Variants in MAGI1 observed in about 807,000 individuals in gnomAD.
The protein encoded by MAGI1 is membrane associated guanylate kinase, WW and PDZ domain containing 1, also known as membrane-associated guanylate kinase, WW and PDZ domain-containing protein 1.
A neutral mutation model predicts 139.9 loss-of-function variants in MAGI1; 58 were observed. That is an observed-to-expected ratio of 0.41 (90% CI 0.34 to 0.52). MAGI1 has a LOEUF of 0.52. Among genes scored for constraint, MAGI1 ranks in the 20% least tolerant of loss-of-function variants. MAGI1 has a pLI of 0.12. For synonymous variants in MAGI1, 812 were observed against 737.9 expected, an observed-to-expected ratio of 1.10 and a Z score of -1.63; for missense variants, 1,874 against 1,901.6, an observed-to-expected ratio of 0.99 and a Z score of 0.27.
At chr3:65,659,558 C>T (rs1013818539) in intron 1 of MAGI1, among the ~76,000 whole-genome samples, 1 of 152,142 alleles carries the variant, frequency 6.6e-6, no homozygotes, top group African/African-American at 2.4e-5. Flanking sequence ...CACCTTTTTC[C>T]AGGAGTTTTC....
chr3:65,736,182 A>C (rs2062475), intron 1 of MAGI1, among the ~76,000 whole-genome samples: 79,125 of 152,030 alleles, frequency 0.52, 21,448 homozygotes, highest in East Asian at 0.92. Flanking sequence ...GGTCTTGCCA[A>C]AAGAGCACTT....
intron 1 of MAGI1, among the ~76,000 whole-genome samples, chr3:65,760,491 C>T (rs996740275): frequency 4.0e-5 from 6 of 151,296 alleles, no homozygotes; most frequent in East Asian, 3.9e-4. Flanking sequence ...TAGGCTCAAG[C>T]GACAGGAACA....
At chr3:65,608,853 G>A (rs889995236) in intron 2 of MAGI1, among the ~76,000 whole-genome samples, 1 of 152,136 alleles carries the variant, frequency 6.6e-6, no homozygotes. Flanking sequence ...CAAATCAACA[G>A]AAGAATGGGT....
chr3:65,474,227 T>C (rs891596359), intron 4 of MAGI1, among the ~76,000 whole-genome samples: 1 of 152,162 alleles, frequency 6.6e-6, no homozygotes, highest in African/African-American at 2.4e-5. Flanking sequence ...ATTGAGCCAC[T>C]GCACTCCAGC....
chr3:65,470,522 A>AC (rs1950496259), intron 4 of MAGI1, 38 bp from the exon 5 acceptor site: 9 of 1,002,386 alleles, frequency 9.0e-6, no homozygotes, highest in Non-Finnish European at 1.2e-5. Flanking sequence ...AGAGAGAGAG[A>AC]GAAAAAAAAA....
chr3:65,356,303 A>G lies in MAGI1; in HGVS notation c.*75T>C. On this transcript the variant is annotated 3_prime_UTR_variant, in exon 23 of 23. Transcript: ENST00000402939. ...TGTCAGATGCTTCATTAGGTAAGAA[A>G]CTAAATAATTTCAGGTTTGTGACTT... The G allele has an allele frequency of 6.9e-7, 1 of 1,442,830 alleles. No individual in the cohort carries two copies. Among genetic ancestry groups the G allele is most frequent in the Non-Finnish European group, 9.2e-7 (1 of 1,087,048 alleles). 89.4% of individuals were successfully genotyped at this position (1,442,830 alleles called of 1,614,324 possible). A position where few individuals can be genotyped will look rare whatever the true frequency, so the allele number is the denominator to read the frequency against.
In MAGI1 at chr3:65,530,344, T is replaced by C. The variant is rs138037064; in HGVS notation, c.431-36713A>G. ...CATCACAAACTCCTCCAGAACCATA[T>C]AGCACAGTGGCTAAAAATATAGGTT... On this transcript the variant is annotated intron_variant, in intron 2 of 22. Transcript: ENST00000402939. 3.6e-3 allele frequency among the ~76,000 whole-genome samples: 553 copies of C among 152,128 alleles called. 13 individuals carry two copies. The highest frequency in any genetic ancestry group is 6.5e-4 in the Non-Finnish European group (44 of 67,996).
chr3:65,749,941 G>C (rs1358366317), intron 1 of MAGI1, among the ~76,000 whole-genome samples: 1 of 152,070 alleles, frequency 6.6e-6, no homozygotes, highest in Non-Finnish European at 1.5e-5. Context: ...CCATAATGCA[G>C]GGGGAAGCAT....
At chr3:65,487,677 T>TTTA (rs1429983641) in intron 3 of MAGI1, among the ~76,000 whole-genome samples, 2 of 152,216 alleles carry the variant, frequency 1.3e-5, no homozygotes, top group Admixed American at 6.5e-5. Flanking sequence ...TTCACTCTAT[T>TTTA]TGTCTGCCAT....
chr3:65,779,664 A>C (rs1207009982), intron 1 of MAGI1, among the ~76,000 whole-genome samples: 1 of 152,226 alleles, frequency 6.6e-6, no homozygotes, highest in Non-Finnish European at 1.5e-5. Flanking sequence ...CTTAGATGAA[A>C]AGTTCTCCTG....
At chr3:65,923,725 G>C (rs2062351025) in intron 1 of MAGI1, among the ~76,000 whole-genome samples, 1 of 152,168 alleles carries the variant, frequency 6.6e-6, no homozygotes, top group South Asian at 2.1e-4. Flanking sequence ...GGAGATAAGA[G>C]ATAAGGTTGG....
chr3:65,935,515 G>A (rs533355754), intron 1 of MAGI1, among the ~76,000 whole-genome samples: 7 of 152,136 alleles, frequency 4.6e-5, no homozygotes, highest in East Asian at 1.9e-4. Flanking sequence ...CTAGCTACTC[G>A]GGAGGCTGAG....
At chr3:65,682,287 TG>T (rs1333659526) in intron 1 of MAGI1, among the ~76,000 whole-genome samples, 8 of 152,022 alleles carry the variant, frequency 5.3e-5, no homozygotes, top group Non-Finnish European at 1.0e-4. Context: ...AAGAAGGAAG[TG>T]GGAGGAATCA....
chr3:65,529,610 T>TTGA (rs1427804306), intron 2 of MAGI1, among the ~76,000 whole-genome samples: 2 of 152,202 alleles, frequency 1.3e-5, no homozygotes, highest in South Asian at 2.1e-4. Flanking sequence ...TATTCATCAG[T>TTGA]TGATGGACAT....
chr3:65,477,713 T>TTA (rs1553650525), intron 4 of MAGI1, among the ~76,000 whole-genome samples: 8 of 139,292 alleles, frequency 5.7e-5, no homozygotes, highest in Non-Finnish European at 9.3e-5. Context: ...TTATTATTAT[T>TTA]TTTTTTTTTT....
At chr3:65,710,269 C>CTTTT (rs1175790063) in intron 1 of MAGI1, among the ~76,000 whole-genome samples, 16 of 66,908 alleles carry the variant, frequency 2.4e-4, no homozygotes, top group African/African-American at 2.6e-4. Flanking sequence ...CCTTACATTT[C>CTTTT]TTTTTTTTTT....
chr3:65,735,640 C>G (rs531031225), intron 1 of MAGI1, among the ~76,000 whole-genome samples: 12 of 152,084 alleles, frequency 7.9e-5, no homozygotes, highest in African/African-American at 2.7e-4. Context: ...AAAATGCAAC[C>G]CCCAGGCCCC....
intron 1 of MAGI1, among the ~76,000 whole-genome samples, chr3:65,825,170 A>T (rs2042156296): frequency 6.6e-6 from 1 of 152,232 alleles, no homozygotes; most frequent in Non-Finnish European, 1.5e-5. Context: ...TGGGAAAACT[A>T]ATTTAAGCAT....
chr3:66,028,911 C>G (rs1157935469), intron 1 of MAGI1, among the ~76,000 whole-genome samples: 1 of 152,198 alleles, frequency 6.6e-6, no homozygotes, highest in African/African-American at 2.4e-5. Flanking sequence ...TCAAGAGATT[C>G]TTTCTTCTCT....
Sources: allele counts gnomAD v4.1 joint callset (sites outside exome capture counted in the v4.1 genomes callset), GRCh38; gene constraint gnomAD v4.1.1; transcripts MANE v1.5; gene names NCBI Gene and HGNC (gene_info 2026-07-23, HGNC 2026-07-21).